Variants in RTRAF observed in about 807,000 individuals in gnomAD.
RTRAF encodes tRNA-splicing ligase complex subunit RTRAF.
RTRAF carries 14 observed loss-of-function variants against 34.4 expected under a neutral mutation model. That is an observed-to-expected ratio of 0.41 (90% confidence interval 0.27 to 0.64). The LOEUF (loss-of-function observed/expected upper bound fraction) is 0.64, where lower values mean the gene tolerates loss of function less well. Ranked by LOEUF, RTRAF falls within the 30% of genes least tolerant of loss-of-function variation. The probability of loss-of-function intolerance (pLI) is 0.34; values close to 1 mark genes in which losing one functional copy is unlikely to be tolerated. For missense variants in RTRAF, 291 were observed against 288.4 expected, an observed-to-expected ratio of 1.01 and a Z score of -0.06; for synonymous variants, 96 against 95.3, an observed-to-expected ratio of 1.01 and a Z score of -0.04.
In RTRAF at chr14:52,001,888, A is replaced by G. The variant is rs368844832; in HGVS notation, c.531+22A>G. The G allele has an allele frequency of 2.0e-5, 31 of 1,587,794 alleles. No individual in the cohort carries two copies. The highest frequency in any genetic ancestry group is 1.3e-4 in the South Asian group (12 of 88,938). ...AGAGGTACGTTTCTATAAATCCTAA[A>G]TAAGTTGTTAATGAACATTTCTTCT... On this transcript the variant is annotated intron_variant, in intron 6 of 7. Transcript: ENST00000261700.
At chr14:51,993,201 G>A (rs935740281) in intron 2 of RTRAF, among the ~76,000 whole-genome samples, 2 of 151,708 alleles carry the variant, frequency 1.3e-5, no homozygotes, top group Admixed American at 6.6e-5. Flanking sequence ...TATAATTAAT[G>A]TTACATATAA....
At chr14:51,995,596 C>CT (rs1452444969) in intron 3 of RTRAF, among the ~76,000 whole-genome samples, 1 of 152,128 alleles carries the variant, frequency 6.6e-6, no homozygotes, top group East Asian at 1.9e-4. Flanking sequence ...AATATTGTGT[C>CT]TGTCACAGTA....
At chr14:51,999,971 C>A in intron 5 of RTRAF, 175 bp downstream of exon 5, 1 of 520,142 alleles carries the variant, frequency 1.9e-6, no homozygotes, top group Non-Finnish European at 3.4e-6. Context: ...TGTTTTCTGC[C>A]TGCACTATGC....
chr14:52,006,605 T>G lies in RTRAF; in HGVS notation c.*2089T>G, dbSNP rs762546184. 1 of 1,613,962 alleles carries G rather than the reference T, an allele frequency of 6.2e-7. No individual in the cohort carries two copies. The highest frequency in any genetic ancestry group is 1.1e-5 in the South Asian group (1 of 91,084). On this transcript the variant is annotated 3_prime_UTR_variant, in exon 8 of 8. Coordinates refer to ENST00000261700, the MANE Select transcript of RTRAF (RefSeq NM_016039.3). ...TGCTGAAGGGGTACTTGAGGTTGTT[T>G]TGAATGACACGCCGTCCAGTTCCAT...
chr14:51,998,580 G>A lies in RTRAF; in HGVS notation c.373G>A (p.Val125Ile). 6.3e-7 allele frequency: 1 copy of A among 1,576,990 alleles called. No homozygotes were observed. The highest frequency in any genetic ancestry group is 1.2e-5 in the South Asian group (1 of 86,622). Residue 125 changes from valine (V) to isoleucine (I), a missense_variant and splice_region_variant, in exon 4 of 8, where the codon GTA (valine) becomes ATA (isoleucine). Transcript: ENST00000261700. ...KNAEPLINLD[V>I]NNPDFKAGVM... ...TGCAGAACCATTGATCAATTTGGAT[G>A]GTGAGTATATAAATGCATAACATTG...
rs1480844505 is a variant in RTRAF, at chr14:52,003,015, CCTTCAGCAAAA to C, written c.531+1152_531+1162del. On this transcript the variant is annotated intron_variant, in intron 6 of 7. Transcript: ENST00000261700. ...AAAGTCAATCATTCATTCATTCATT[CCTTCAGCAAAA>C]CTATGCTTTGGAAGGCAGTGTAAGT... is the stretch of plus-strand genomic sequence containing the variant. 3.9e-5 allele frequency among the ~76,000 whole-genome samples: 6 copies of C among 152,290 alleles called. 1 individual carries two copies. In the East Asian group the frequency reaches 1.2e-3, roughly 29 times the overall value.
rs759169062 is a variant in RTRAF, at chr14:51,989,635, G to T, written c.-5G>T. 8 of 1,602,678 alleles carry T rather than the reference G, an allele frequency of 5.0e-6. No homozygotes were observed. The highest frequency in any genetic ancestry group is 5.1e-6 in the Non-Finnish European group (6 of 1,175,102). On this transcript the variant is annotated 5_prime_UTR_variant, in exon 1 of 8. Coordinates refer to ENST00000261700, the MANE Select transcript of RTRAF (RefSeq NM_016039.3). ...CCCGGGGGACCAGAGCGAGAAGCGG[G>T]GACCATGTTCCGACGCAAGTTGACG...
At chr14:52,000,529 A>G (rs1890584793) in intron 5 of RTRAF, among the ~76,000 whole-genome samples, 1 of 152,196 alleles carries the variant, frequency 6.6e-6, no homozygotes, top group South Asian at 2.1e-4. Flanking sequence ...GACCTTGTGC[A>G]TGTAAACTAC....
chr14:51,991,843 A>T (rs1890440328), intron 2 of RTRAF, among the ~76,000 whole-genome samples: 1 of 152,176 alleles, frequency 6.6e-6, no homozygotes, highest in Admixed American at 6.5e-5. Context: ...GAGGTGGCAG[A>T]TCATTTGAGC....
chr14:51,991,333 A>C lies in RTRAF; in HGVS notation c.78A>C (p.Arg26Ser). 1 of 1,613,356 alleles carries C rather than the reference A, an allele frequency of 6.2e-7. No individual in the cohort carries two copies. Among genetic ancestry groups the C allele is most frequent in the Middle Eastern group, 1.7e-4 (1 of 6,058 alleles). The change falls in exon 2 of 8, where the codon AGA becomes AGC. Residue 26 changes from arginine to serine, a missense_variant. Coordinates refer to ENST00000261700, the MANE Select transcript of RTRAF (RefSeq NM_016039.3). Reference protein sequence around the residue: ...GFNCKDETEFRNFIVWLEDQK... With the variant: ...GFNCKDETEFSNFIVWLEDQK... ...TTATTGCAGATGAAACAGAATTTAG[A>C]AACTTCATCGTTTGGCTTGAAGACC...
intron 5 of RTRAF, among the ~76,000 whole-genome samples, chr14:52,001,322 G>A (rs908516024): frequency 1.3e-5 from 2 of 152,132 alleles, no homozygotes; most frequent in Non-Finnish European, 2.9e-5. Flanking sequence ...CCTTTGAAAG[G>A]TTTGAAAATA....
rs369796666 is a variant in RTRAF at position 52,009,995 on chromosome 14, GA to G, written c.*5489del. 6 of 144,264 alleles carry G rather than the reference GA, an allele frequency of 4.2e-5. No homozygotes were observed. Among genetic ancestry groups the G allele is most frequent in the East Asian group, 2.0e-4 (1 of 4,958 alleles). 8.9% of individuals were successfully genotyped at this position (144,264 alleles called of 1,614,324 possible). ...AAGCAAGACCTTGTCTCAAAAAAAA[GA>G]AAAAAAAAAGAAAAAAGGACCTTCC... On this transcript the variant is annotated 3_prime_UTR_variant, in exon 8 of 8. Transcript: ENST00000261700.
chr14:51,997,192 T>C (rs1179733550), intron 3 of RTRAF, among the ~76,000 whole-genome samples: 2 of 152,026 alleles, frequency 1.3e-5, no homozygotes, highest in African/African-American at 2.4e-5. Context: ...GTATCAATTA[T>C]GTTTTTGCGC....
intron 6 of RTRAF, among the ~76,000 whole-genome samples, chr14:52,003,720 A>T (rs113102776): frequency 1.5e-4 from 23 of 152,116 alleles, no homozygotes; most frequent in African/African-American, 5.3e-4. Flanking sequence ...ATACATAATT[A>T]TACATAATCT....
chr14:52,004,309 G>T, intron 7 of RTRAF, 53 bp from the exon 8 acceptor site: 2 of 1,341,206 alleles, frequency 1.5e-6, no homozygotes, highest in African/African-American at 1.7e-5. Context: ...GAAATAAATG[G>T]CCTTAAATGT....
intron 3 of RTRAF, among the ~76,000 whole-genome samples, chr14:51,994,437 T>C (rs1890485680): frequency 6.6e-6 from 1 of 152,204 alleles, no homozygotes; most frequent in South Asian, 2.1e-4. Context: ...TTCTTAATTA[T>C]TTACTTTGGA....
Position 52,007,643 on chromosome 14 carries a change from T to C in RTRAF, c.*3127T>C. On this transcript the variant is annotated 3_prime_UTR_variant, in exon 8 of 8. Transcript: ENST00000261700. ...TCCCTCCACCCAAACCCCAGAAAGTTCATTTTAAGACTCATTTACTAGTAC... is the reference window on the plus strand; with the variant it reads ...TCCCTCCACCCAAACCCCAGAAAGTCCATTTTAAGACTCATTTACTAGTAC... 1.5e-6 allele frequency: 1 copy of C among 670,578 alleles called. No individual in the cohort carries two copies. The highest frequency in any genetic ancestry group is 2.6e-6 in the Non-Finnish European group (1 of 389,858). The allele number at this position is 670,578 out of a possible 1,614,324, so 41.5% of individuals were successfully genotyped here.
chr14:51,999,674 T>C, intron 4 of RTRAF, 34 bp from the exon 5 acceptor site: 1 of 1,399,356 alleles, frequency 7.1e-7, no homozygotes, highest in Non-Finnish European at 1.0e-6. Flanking sequence ...GTTTGCAGGG[T>C]TGTAAGTTTT....
intron 1 of RTRAF, among the ~76,000 whole-genome samples, chr14:51,990,900 A>T (rs1890422624): frequency 6.6e-6 from 1 of 152,240 alleles, no homozygotes; most frequent in African/African-American, 2.4e-5. Context: ...AGGAACTGGA[A>T]TATTAATATG....
Sources: allele counts gnomAD v4.1 joint callset (sites outside exome capture counted in the v4.1 genomes callset), GRCh38; gene constraint gnomAD v4.1.1; transcripts MANE v1.5; gene names NCBI Gene and HGNC (gene_info 2026-07-23, HGNC 2026-07-21).